MKLN1: variants seen among roughly 807,000 people sequenced by gnomAD.
The protein encoded by MKLN1 is muskelin.
A neutral mutation model predicts 99.0 loss-of-function variants in MKLN1; 18 were observed. The observed-to-expected ratio is 0.18, with a 90% CI of 0.13 to 0.27. The LOEUF (loss-of-function observed/expected upper bound fraction) is 0.27. Ranked by LOEUF, MKLN1 falls within the 10% of genes least tolerant of loss-of-function variation. MKLN1 has a pLI of 1.00. For synonymous variants in MKLN1, 288 were observed against 293.2 expected (o/e 0.98, Z 0.18); for missense variants, 621 against 875.9 (o/e 0.71, Z 3.67).
intron 3 of MKLN1, among the ~76,000 whole-genome samples, chr7:131,293,742 G>T (rs191631410): frequency 1.4e-4 from 22 of 152,310 alleles, no homozygotes; most frequent in Middle Eastern, 3.4e-3. Context: ...GGAGTTTGAG[G>T]CTGCAGTGAA....
chr7:131,225,017 G>C (rs978089213), intron 3 of MKLN1, among the ~76,000 whole-genome samples: 1 of 151,330 alleles, frequency 6.6e-6, no homozygotes, highest in African/African-American at 2.4e-5. Flanking sequence ...AGCTTGCAAT[G>C]AGCCAAGATC....
intron 3 of MKLN1, among the ~76,000 whole-genome samples, chr7:131,239,862 A>G (rs528596677): frequency 1.2e-4 from 19 of 152,016 alleles, no homozygotes; most frequent in South Asian, 4.2e-4. Flanking sequence ...AAGGTGTCCT[A>G]TTAATAATAT....
chr7:131,193,795 T>A (rs1332635991), intron 2 of MKLN1, among the ~76,000 whole-genome samples: 4 of 151,786 alleles, frequency 2.6e-5, no homozygotes, highest in African/African-American at 9.7e-5. Flanking sequence ...ATTTTAAAAA[T>A]TTTTAAATTT....
intron 3 of MKLN1, among the ~76,000 whole-genome samples, chr7:131,240,174 C>G (rs941173893): frequency 5.3e-5 from 8 of 152,102 alleles, no homozygotes; most frequent in Admixed American, 5.2e-4. Flanking sequence ...GAGCAAGATC[C>G]TGTCACAAAC....
At chr7:131,284,054 GT>G (rs1230561998) in intron 3 of MKLN1, among the ~76,000 whole-genome samples, 4 of 152,180 alleles carry the variant, frequency 2.6e-5, no homozygotes, top group Non-Finnish European at 4.4e-5. Context: ...GTTATGGCCA[GT>G]TTTTTGCTAT....
At chr7:131,461,239 T>G (rs1365104970) in intron 12 of MKLN1, among the ~76,000 whole-genome samples, 1 of 141,190 alleles carries the variant, frequency 7.1e-6, no homozygotes, top group Non-Finnish European at 1.5e-5. Context: ...ATTTATGGGT[T>G]TTGTTTTTTG....
chr7:131,426,761 C>CT (rs3842147), intron 8 of MKLN1, among the ~76,000 whole-genome samples: 38 of 145,962 alleles, frequency 2.6e-4, no homozygotes, highest in Admixed American at 4.1e-4. Flanking sequence ...TTTCATGTAA[C>CT]TTTTTTTTTT....
chr7:131,389,060 C>T (rs1794117021), intron 4 of MKLN1, 88 bp downstream of exon 4: 5 of 737,622 alleles, frequency 6.8e-6, no homozygotes, highest in African/African-American at 1.8e-5. Context: ...CTGCAGGCCT[C>T]TTGTTTTTTT....
chr7:131,303,684 A>T (rs536455226), intron 3 of MKLN1, among the ~76,000 whole-genome samples: 43 of 152,192 alleles, frequency 2.8e-4, no homozygotes, highest in Non-Finnish European at 4.0e-4. Flanking sequence ...GATATAAAGG[A>T]TGCATGAATT....
At chr7:131,301,049 C>T (rs994804823) in intron 3 of MKLN1, among the ~76,000 whole-genome samples, 2 of 152,112 alleles carry the variant, frequency 1.3e-5, no homozygotes, top group African/African-American at 2.4e-5. Context: ...CTTGGCTGTA[C>T]ATAGACATCT....
chr7:131,382,885 G>A (rs938356037), intron 2 of MKLN1, among the ~76,000 whole-genome samples: 16 of 151,960 alleles, frequency 1.1e-4, no homozygotes, highest in Admixed American at 3.9e-4. Flanking sequence ...CACCACGCCC[G>A]GCTAATTTTT....
At chr7:131,214,188 C>G (rs1438269084) in intron 3 of MKLN1, among the ~76,000 whole-genome samples, 1 of 152,050 alleles carries the variant, frequency 6.6e-6, no homozygotes, top group East Asian at 1.9e-4. Flanking sequence ...GAGCCCAGCC[C>G]TCGTTCTCCT....
At chr7:131,398,320 GT>G (rs1563328659) in intron 5 of MKLN1, among the ~76,000 whole-genome samples, 1 of 152,116 alleles carries the variant, frequency 6.6e-6, no homozygotes, top group Non-Finnish European at 1.5e-5. Context: ...AATAAATTAA[GT>G]GCCTGCTTTT....
intron 3 of MKLN1, among the ~76,000 whole-genome samples, chr7:131,300,102 G>A (rs1248613874): frequency 2.0e-5 from 3 of 152,162 alleles, no homozygotes; most frequent in Admixed American, 6.5e-5. Flanking sequence ...AAGGAGCTGG[G>A]AGTGGGAAAG....
intron 3 of MKLN1, among the ~76,000 whole-genome samples, chr7:131,272,206 T>A (rs1797895495): frequency 6.6e-6 from 1 of 152,210 alleles, no homozygotes; most frequent in Admixed American, 6.5e-5. Context: ...ATGCAGCTGT[T>A]ACATGGATAA....
At chr7:131,390,940 T>TA in intron 4 of MKLN1, among the ~76,000 whole-genome samples, 1 of 152,136 alleles carries the variant, frequency 6.6e-6, no homozygotes, top group East Asian at 1.9e-4. Context: ...AGACACTTAT[T>TA]AGCCCATTTT....
chr7:131,384,889 TC>T (rs1793962313), intron 2 of MKLN1, among the ~76,000 whole-genome samples: 1 of 152,220 alleles, frequency 6.6e-6, no homozygotes, highest in Non-Finnish European at 1.5e-5. Context: ...TGAGGTAAAA[TC>T]ACACATAATA....
chr7:131,274,294 T>C (rs1797928932), intron 3 of MKLN1, among the ~76,000 whole-genome samples: 2 of 152,144 alleles, frequency 1.3e-5, no homozygotes, highest in South Asian at 4.1e-4. Context: ...GTATCATCTT[T>C]GCCTTCCTTG....
intron 3 of MKLN1, among the ~76,000 whole-genome samples, chr7:131,227,101 A>G (rs539734267): frequency 6.6e-6 from 1 of 152,198 alleles, no homozygotes; most frequent in East Asian, 1.9e-4. Context: ...CCAACCATAC[A>G]CTGAGTTCAT....
Sources: gnomAD v4.1 joint callset for allele counts (sites outside exome capture counted in the v4.1 genomes callset) on GRCh38, gnomAD v4.1.1 for gene constraint, MANE v1.5 for transcripts, NCBI Gene and HGNC (gene_info 2026-07-23, HGNC 2026-07-21) for gene names.